Variants in CFTR observed in about 807,000 individuals in gnomAD.
The protein encoded by CFTR is cystic fibrosis transmembrane conductance regulator.
A neutral mutation model predicts 171.6 loss-of-function variants in CFTR; 181 were observed. The ratio of observed to expected loss-of-function variants is 1.05; its 90% CI spans 0.93 to 1.19. CFTR has a LOEUF of 1.19. Among genes scored for constraint, CFTR ranks in the 50% most tolerant of loss-of-function variants. The pLI, the probability that CFTR is intolerant of heterozygous loss-of-function variation, is 0.00. For missense variants in CFTR, 1,968 were observed against 1,734.7 expected, an observed-to-expected ratio of 1.13 and a Z score of -2.39; for synonymous variants, 583 against 608.0, an observed-to-expected ratio of 0.96 and a Z score of 0.60.
intron 11 of CFTR, 38 bp downstream of exon 11, chr7:117,559,693 G>T (rs1245004363): frequency 1.4e-6 from 2 of 1,422,754 alleles, no homozygotes; most frequent in Non-Finnish European, 2.0e-6. Context: ...TTATGCATAT[G>T]AACCCTTCAC....
At position 117,542,085 on chromosome 7, in the gene CFTR, A is replaced by G. The variant is rs753143757; in HGVS notation, c.1186A>G (p.Asn396Asp). The change falls in exon 9 of 27, where the codon AAT (asparagine) becomes GAT (aspartate). Residue 396 changes from asparagine (N) to aspartate (D), a missense_variant. By Grantham distance (23) the Asn-to-Asp change is conservative (BLOSUM62 1). Coordinates refer to ENST00000003084, the MANE Select transcript of CFTR (RefSeq NM_000492.4). ...AACGACTACAGAAGTAGTGATGGAGAATGTAACAGCCTTCTGGGAGGAGGT... is the reference window on the plus strand; with the variant it reads ...AACGACTACAGAAGTAGTGATGGAGGATGTAACAGCCTTCTGGGAGGAGGT... ...NLTTTEVVMENVTAFWEEGFG... is the reference protein window; with the variant it reads ...NLTTTEVVMEDVTAFWEEGFG... 1 of 1,596,554 alleles carries G rather than the reference A, an allele frequency of 6.3e-7. No individual in the cohort carries two copies. The highest frequency in any genetic ancestry group is 8.6e-7 in the Non-Finnish European group (1 of 1,164,116).
intron 11 of CFTR, among the ~76,000 whole-genome samples, chr7:117,568,681 G>T (rs1320741309): frequency 6.6e-6 from 1 of 152,066 alleles, no homozygotes; most frequent in Admixed American, 6.6e-5. Flanking sequence ...TATACATTGT[G>T]AAATGACTGC....
chr7:117,611,850 A>C, intron 20 of CFTR, 42 bp downstream of exon 20: 2 of 1,400,320 alleles, frequency 1.4e-6, no homozygotes, highest in Non-Finnish European at 1.0e-6. Context: ...TTTAAGTAAA[A>C]AATTTTCAAT....
intron 3 of CFTR, among the ~76,000 whole-genome samples, chr7:117,520,859 A>G (rs1414279829): frequency 6.6e-6 from 1 of 151,978 alleles, no homozygotes; most frequent in Non-Finnish European, 1.5e-5. Flanking sequence ...TGAGACTGAC[A>G]GTCCCTACTC....
chr7:117,612,006 G>GATATATATATATATATATGT (rs375943671), intron 20 of CFTR, among the ~76,000 whole-genome samples, 198 bp downstream of exon 20: 1 of 76,796 alleles, frequency 1.3e-5, no homozygotes, highest in African/African-American at 5.1e-5. Context: ...CTTGAAATCG[G>GATATATATATATATATATGT]ATATATATAT....
chr7:117,587,380 T>C (rs1051765323), intron 11 of CFTR, among the ~76,000 whole-genome samples: 1 of 152,178 alleles, frequency 6.6e-6, no homozygotes, highest in Non-Finnish European at 1.5e-5. Flanking sequence ...TGGAGAAAAG[T>C]ACATTTTAGT....
At chr7:117,517,859 A>G (rs1424609308) in intron 3 of CFTR, among the ~76,000 whole-genome samples, 1 of 152,142 alleles carries the variant, frequency 6.6e-6, no homozygotes, top group Admixed American at 6.5e-5. Context: ...TCTTCTTTTG[A>G]GAAGTGTCTG....
intron 17 of CFTR, among the ~76,000 whole-genome samples, chr7:117,604,080 G>T (rs1161233597): frequency 6.6e-6 from 1 of 152,088 alleles, no homozygotes; most frequent in Non-Finnish European, 1.5e-5. Flanking sequence ...TCAAATATTT[G>T]GTCTAGCTCT....
At chr7:117,589,350 A>G (rs1038690851) in intron 12 of CFTR, among the ~76,000 whole-genome samples, 1 of 151,972 alleles carries the variant, frequency 6.6e-6, no homozygotes, top group Non-Finnish European at 1.5e-5. Flanking sequence ...ATTGGTTTTT[A>G]AAAAAATTTT....
At chr7:117,551,470 G>A (rs1198454126) in intron 10 of CFTR, among the ~76,000 whole-genome samples, 1 of 152,046 alleles carries the variant, frequency 6.6e-6, no homozygotes, top group African/African-American at 2.4e-5. Context: ...CTGTTACTTT[G>A]TTACTTTACT....
At chr7:117,520,180 A>G (rs1798663598) in intron 3 of CFTR, among the ~76,000 whole-genome samples, 1 of 142,582 alleles carries the variant, frequency 7.0e-6, no homozygotes, top group Non-Finnish European at 1.5e-5. Flanking sequence ...GTGTGTTTTT[A>G]TTTTGTTGTA....
At chr7:117,501,747 CAAAAAAAAA>C (rs1212853305) in intron 1 of CFTR, among the ~76,000 whole-genome samples, 10 of 43,902 alleles carry the variant, frequency 2.3e-4, no homozygotes, top group African/African-American at 6.1e-4. Context: ...AACTCTGTCT[CAAAAAAAAA>C]AAAAAAAAAA....
chr7:117,663,967 C>T (rs1007955668), intron 24 of CFTR, among the ~76,000 whole-genome samples: 2 of 151,938 alleles, frequency 1.3e-5, no homozygotes, highest in Admixed American at 1.3e-4. Context: ...AAAAAAAAAG[C>T]CTTTGACTCT....
intron 11 of CFTR, among the ~76,000 whole-genome samples, chr7:117,566,446 A>G (rs556949078): frequency 6.6e-6 from 1 of 152,248 alleles, no homozygotes; most frequent in South Asian, 2.1e-4. Context: ...AAAATAAAAT[A>G]AAACATATAT....
At chr7:117,579,672 T>TAA (rs1427473691) in intron 11 of CFTR, among the ~76,000 whole-genome samples, 5 of 137,892 alleles carry the variant, frequency 3.6e-5, no homozygotes, top group Non-Finnish European at 4.7e-5. Context: ...TTAGAGCCAT[T>TAA]AAAAAAAAAA....
intron 23 of CFTR, among the ~76,000 whole-genome samples, chr7:117,642,979 A>G (rs1447918170): frequency 6.6e-6 from 1 of 152,174 alleles, no homozygotes; most frequent in Non-Finnish European, 1.5e-5. Context: ...ACTTGGAATC[A>G]TGAGGTAGTG....
intron 2 of CFTR, among the ~76,000 whole-genome samples, chr7:117,507,935 C>A (rs1798447386): frequency 6.6e-6 from 1 of 152,190 alleles, no homozygotes; most frequent in Non-Finnish European, 1.5e-5. Context: ...CAGGCATGCA[C>A]CACCAGGCCT....
At chr7:117,568,972 G>A (rs1319434972) in intron 11 of CFTR, among the ~76,000 whole-genome samples, 1 of 152,200 alleles carries the variant, frequency 6.6e-6, no homozygotes, top group Non-Finnish European at 1.5e-5. Flanking sequence ...TGCCGAGGCA[G>A]GTTGGTAGGG....
At chr7:117,636,256 A>G (rs1013603701) in intron 22 of CFTR, among the ~76,000 whole-genome samples, 10 of 152,164 alleles carry the variant, frequency 6.6e-5, no homozygotes, top group African/African-American at 2.4e-4. Context: ...TTCTATAGGT[A>G]AGATGTTTTT....
Sources: gnomAD v4.1 joint callset for allele counts (sites outside exome capture counted in the v4.1 genomes callset) on GRCh38, gnomAD v4.1.1 for gene constraint, MANE v1.5 for transcripts, NCBI Gene and HGNC (gene_info 2026-07-23, HGNC 2026-07-21) for gene names.